The following ALPL variants were observed in gnomAD, a reference collection of about 807,000 sequenced individuals.
The protein encoded by ALPL is alkaline phosphatase, tissue-nonspecific isozyme.
Under a neutral mutation model 51.3 loss-of-function variants are expected in ALPL, and 42 were observed. The observed-to-expected ratio is 0.82, with a 90% confidence interval of 0.64 to 1.06. The LOEUF (loss-of-function observed/expected upper bound fraction) is 1.06. Ranked by LOEUF, ALPL falls within the 50% of genes least tolerant of loss-of-function variation. ALPL has a pLI of 0.00. For missense variants in ALPL, 589 were observed against 709.4 expected (o/e 0.83, Z 1.93); for synonymous variants, 279 against 296.4 (o/e 0.94, Z 0.60).
chr1:21,575,290 GATC>G (rs79117476), intron 9 of ALPL, among the ~76,000 whole-genome samples: 47,194 of 151,976 alleles, frequency 0.31, 7,359 homozygotes, highest in South Asian at 0.37. Flanking sequence ...AAACAGGACT[GATC>G]ATATTCCTCT....
intron 1 of ALPL, among the ~76,000 whole-genome samples, chr1:21,518,119 C>A (rs1038606877): frequency 2.0e-5 from 3 of 151,894 alleles, no homozygotes; most frequent in Non-Finnish European, 2.9e-5. Context: ...GGGTAGGAAC[C>A]TTTTATGAGG....
Position 21,578,201 on chromosome 1 carries a change from C to G in ALPL, c.*553C>G, listed in dbSNP as rs997289149. On this transcript the variant is annotated 3_prime_UTR_variant, in exon 12 of 12. Transcript: ENST00000374840. The surrounding 1 kb of genome is among the most constrained non-coding windows in gnomAD (Gnocchi z 4.2). ...CCACCAGGGTCCCAGGAAGCCGGTG[C>G]CTGGGTGGCCATCCTACCCAGCGTG... 2 of 156,450 alleles carry G rather than the reference C, an allele frequency of 1.3e-5. No homozygotes were observed. 9.7% of individuals were successfully genotyped at this position (156,450 alleles called of 1,614,324 possible).
intron 1 of ALPL, among the ~76,000 whole-genome samples, chr1:21,530,777 A>ATTTTT (rs71016918): frequency 3.6e-5 from 4 of 111,866 alleles, no homozygotes; most frequent in Admixed American, 9.9e-5. Context: ...CAAGCTTTGA[A>ATTTTT]TTTTTTTTTT....
At chr1:21,575,020 C>T (rs1197496458) in intron 9 of ALPL, among the ~76,000 whole-genome samples, 1 of 152,248 alleles carries the variant, frequency 6.6e-6, no homozygotes, top group East Asian at 1.9e-4. Context: ...CCAGCCAGGC[C>T]CCTGCACTCA....
intron 1 of ALPL, among the ~76,000 whole-genome samples, chr1:21,546,136 A>G (rs569211472): frequency 6.6e-6 from 1 of 152,230 alleles, no homozygotes; most frequent in East Asian, 1.9e-4. Flanking sequence ...TCTTTTATCA[A>G]TAGGGCTAAT....
At chr1:21,568,357 CT>C (rs1287894596) in intron 7 of ALPL, 110 bp downstream of exon 7, 13 of 1,474,896 alleles carry the variant, frequency 8.8e-6, no homozygotes, top group Admixed American at 2.0e-5. Context: ...CATCGGAAAT[CT>C]TTCCTCCATG....
chr1:21,528,514 A>AT (rs1398992090), intron 1 of ALPL, among the ~76,000 whole-genome samples: 15 of 149,496 alleles, frequency 1.0e-4, no homozygotes, highest in Non-Finnish European at 1.3e-4. Flanking sequence ...TGCCTGGCTA[A>AT]TTTTTTTTTG....
intron 7 of ALPL, among the ~76,000 whole-genome samples, chr1:21,569,678 CA>C (rs1318961969): frequency 3.3e-5 from 5 of 152,170 alleles, no homozygotes; most frequent in African/African-American, 1.2e-4. Flanking sequence ...TAAGAGAAGG[CA>C]GGGGGTCTTC....
rs1198147423 is a variant in ALPL at position 21,564,797 on chromosome 1, G to C, written c.648+581G>C. Among the ~76,000 whole-genome samples, 1 of 152,198 alleles carries C rather than the reference G, an allele frequency of 6.6e-6. No homozygotes were observed. Among genetic ancestry groups the C allele is most frequent in the Non-Finnish European group, 1.5e-5 (1 of 68,044 alleles). ...GCCTCATAAGCTTATGCCAAGAACT[G>C]ATTAAGATAATCCCTGTGGAGCTCA... On this transcript the variant is annotated intron_variant, in intron 6 of 11. Transcript: ENST00000374840. The surrounding 1 kb of genome is among the most constrained non-coding windows in gnomAD (Gnocchi z 5.8).
At position 21,561,666 on chromosome 1, in the gene ALPL, C is replaced by CT. The variant is rs11296484; in HGVS notation, c.297+474dup. ...GCCACCATGCACGGCCTATATATGC[C>CT]TTTTTTTTTTTTTTTTTTTTGAGAC... is the stretch of plus-strand genomic sequence containing the variant. On this transcript the variant is annotated intron_variant, in intron 4 of 11. Transcript: ENST00000374840. Among the ~76,000 whole-genome samples the CT allele has an allele frequency of 1.4e-3, 160 of 112,392 alleles. 2 individuals are homozygous for CT. Among genetic ancestry groups the CT allele is most frequent in the Middle Eastern group, 5.1e-3 (1 of 198 alleles). 73.7% of individuals were successfully genotyped at this position (112,392 alleles called of 152,430 possible). A position where few individuals can be genotyped will look rare whatever the true frequency, so the allele number is the denominator to read the frequency against.
Position 21,573,663 on chromosome 1 carries a change from A to T in ALPL, c.863-2A>T. The T allele has an allele frequency of 6.2e-7, 1 of 1,613,662 alleles. No homozygotes were observed. Among genetic ancestry groups the T allele is most frequent in the Non-Finnish European group, 8.5e-7 (1 of 1,179,900 alleles). ...TCCACATCCTCCTGGCGTCCTCCTC[A>T]GGTCTCTTCGAGCCAGGGGACATGC... On this transcript the variant is annotated splice_acceptor_variant, in intron 8 of 11. Transcript: ENST00000374840. LOFTEE classifies it high-confidence loss of function.
intron 1 of ALPL, among the ~76,000 whole-genome samples, chr1:21,511,694 G>A (rs1171131675): frequency 6.6e-6 from 1 of 152,220 alleles, no homozygotes; most frequent in Non-Finnish European, 1.5e-5. Flanking sequence ...AGAGCTCCAT[G>A]ATGAGATCAG....
At position 21,575,797 on chromosome 1, in the gene ALPL, G is replaced by C. The variant is rs1553414568; in HGVS notation, c.1062G>C (p.Glu354Asp). 1.9e-6 allele frequency: 3 copies of C among 1,614,256 alleles called. No homozygotes were observed. Among genetic ancestry groups the C allele is most frequent in the Non-Finnish European group, 2.5e-6 (3 of 1,180,048 alleles). ...AGCAGGCCCTGCATGAGGCGGTGGA[G>C]ATGGACCGGGCCATCGGGCAGGCAG... ...KAKQALHEAV[E>D]MDRAIGQAGS... Residue 354 changes from glutamate (E) to aspartate (D), a missense_variant, in exon 10 of 12, where the codon GAG becomes GAC. Physicochemically the swap from Glu to Asp is conservative, Grantham distance 45. Coordinates refer to ENST00000374840, the MANE Select transcript of ALPL (RefSeq NM_000478.6).
chr1:21,530,263 A>AT (rs1644010331), intron 1 of ALPL, among the ~76,000 whole-genome samples: 1 of 152,024 alleles, frequency 6.6e-6, no homozygotes. Context: ...GGCAATTACG[A>AT]TTTTTGCTTA....
chr1:21,563,442 G>A (rs549909978), intron 5 of ALPL, among the ~76,000 whole-genome samples, 158 bp downstream of exon 5: 29 of 152,288 alleles, frequency 1.9e-4, no homozygotes, highest in African/African-American at 6.0e-4. Context: ...GATTCCTTCC[G>A]TGACAGGGGA....
chr1:21,510,720 G>C (rs1006239485), intron 1 of ALPL, among the ~76,000 whole-genome samples: 5 of 151,826 alleles, frequency 3.3e-5, no homozygotes, highest in African/African-American at 7.3e-5. Context: ...TTTGTCTTCC[G>C]GCTCCTCCTG....
At chr1:21,509,176 G>A (rs950475091), upstream of ALPL, among the ~76,000 whole-genome samples, 1 of 152,070 alleles carries the variant, frequency 6.6e-6, no homozygotes, top group African/African-American at 2.4e-5. This position sits in a 1 kb window ranked among gnomAD's most constrained non-coding sequence, Gnocchi z 6.0. Context: ...CAGAGAGACC[G>A]AGAGTGCGGG....
intron 1 of ALPL, among the ~76,000 whole-genome samples, chr1:21,545,743 C>T (rs1162857671): frequency 6.6e-6 from 1 of 152,194 alleles, no homozygotes; most frequent in African/African-American, 2.4e-5. Flanking sequence ...GGTTCCTACT[C>T]CGGCTCAGGA....
chr1:21,526,938 C>T (rs1643952072), intron 1 of ALPL, among the ~76,000 whole-genome samples: 1 of 152,064 alleles, frequency 6.6e-6, no homozygotes, highest in South Asian at 2.1e-4. Context: ...TCCCCTCAGC[C>T]CCCATGATGT....
Sources: gnomAD v4.1 joint callset for allele counts (sites outside exome capture counted in the v4.1 genomes callset) on GRCh38, gnomAD v4.1.1 for gene constraint, Gnocchi (gnomAD v3.1) non-coding constraint, MANE v1.5 for transcripts, NCBI Gene and HGNC (gene_info 2026-07-23, HGNC 2026-07-21) for gene names.